The following ZNF577 variants were observed in gnomAD, a reference collection of about 807,000 sequenced individuals.
The protein encoded by ZNF577 is zinc finger protein 577.
ZNF577 carries 14 observed loss-of-function variants against 13.9 expected under a neutral mutation model. That is an observed-to-expected ratio of 1.00 (90% confidence interval 0.66 to 1.57). The LOEUF is 1.57. ZNF577 is among the 40% of genes most tolerant of loss of function. The pLI is 0.00. For missense variants in ZNF577, 555 were observed against 579.2 expected, an observed-to-expected ratio of 0.96 and a Z score of 0.43; for synonymous variants, 203 against 202.9, an observed-to-expected ratio of 1.00 and a Z score of 0.00.
intron 5 of ZNF577, among the ~76,000 whole-genome samples, chr19:51,854,861 C>T (rs1200480301): frequency 6.6e-6 from 1 of 151,966 alleles, no homozygotes; most frequent in African/African-American, 2.4e-5. Context: ...CTTCATGTTC[C>T]TCAGACTGGA....
At chr19:51,829,890 G>A (rs2084253210) in intron 9 of ZNF577, among the ~76,000 whole-genome samples, 1 of 152,154 alleles carries the variant, frequency 6.6e-6, no homozygotes, top group Non-Finnish European at 1.5e-5. Flanking sequence ...GAGGTCAAGT[G>A]GGGCACCTTC....
rs561862562 is a variant in ZNF577, at chr19:51,867,618, CAAA to C, written c.*4911_*4913del. On this transcript the variant is annotated 3_prime_UTR_variant, in exon 6 of 6. Coordinates refer to ENST00000638348, the MANE Select transcript of ZNF577 (RefSeq NM_001370449.1). ...TGAAACCCCGTCTCTACTAAAAATACAAAAAAAAAAAAAAAAATTAGCCGGGTG... is the reference window on the plus strand; with the variant it reads ...TGAAACCCCGTCTCTACTAAAAATACAAAAAAAAAAAAAATTAGCCGGGTG... Among the ~76,000 whole-genome samples, 2 of 110,314 alleles carry C rather than the reference CAAA, an allele frequency of 1.8e-5. No individual in the cohort carries two copies. Among genetic ancestry groups the C allele is most frequent in the Non-Finnish European group, 1.9e-5 (1 of 52,010 alleles). 72.4% of individuals were successfully genotyped at this position (110,314 alleles called of 152,430 possible). A position where few individuals can be genotyped will look rare whatever the true frequency, so the allele number is the denominator to read the frequency against.
At chr19:51,879,706 C>A (rs940292258) in intron 3 of ZNF577, among the ~76,000 whole-genome samples, 2 of 152,180 alleles carry the variant, frequency 1.3e-5, no homozygotes, top group Non-Finnish European at 2.9e-5. Flanking sequence ...GAGACCCAAA[C>A]TATGAACACT....
At chr19:51,857,502 T>C (rs768577071) in intron 5 of ZNF577, among the ~76,000 whole-genome samples, 43 of 152,164 alleles carry the variant, frequency 2.8e-4, no homozygotes, top group Non-Finnish European at 4.7e-4. Flanking sequence ...TAGAAGAGCA[T>C]AGACCACAAT....
chr19:51,880,478 C>A, intron 2 of ZNF577, 77 bp from the exon 3 acceptor site: 1 of 1,304,282 alleles, frequency 7.7e-7, no homozygotes, highest in South Asian at 1.2e-5. Context: ...TATGTTCCGA[C>A]ATTAAGAACT....
intron 5 of ZNF577, among the ~76,000 whole-genome samples, chr19:51,845,874 G>C (rs1455053611): frequency 1.3e-5 from 2 of 152,072 alleles, no homozygotes; most frequent in African/African-American, 4.8e-5. Context: ...CATTGTTGTT[G>C]GACACCTAGG....
intron 5 of ZNF577, among the ~76,000 whole-genome samples, chr19:51,847,683 C>A (rs762848974): frequency 2.0e-5 from 3 of 152,120 alleles, no homozygotes; most frequent in South Asian, 4.1e-4. Context: ...CCTCAACAAC[C>A]CCGAAGCGGC....
At chr19:51,837,043 C>CAAAA (rs766829761) in intron 9 of ZNF577, among the ~76,000 whole-genome samples, 3 of 77,748 alleles carry the variant, frequency 3.9e-5, no homozygotes, top group Admixed American at 1.5e-4. Flanking sequence ...GACTCTGTCT[C>CAAAA]AAAAAAAAAA....
chr19:51,816,894 A>C (rs2084141248), intron 9 of ZNF577, among the ~76,000 whole-genome samples: 1 of 152,242 alleles, frequency 6.6e-6, no homozygotes, highest in South Asian at 2.1e-4. Context: ...GTATGTGTGT[A>C]AATAGAGAAG....
downstream of ZNF577, chr19:51,862,160 G>A (rs903405372): frequency 6.6e-6 from 1 of 152,376 alleles, no homozygotes; most frequent in Non-Finnish European, 1.5e-5. Context: ...TTTCCTATAT[G>A]AGTTCTCTGA....
chr19:51,853,946 AGAGC>A (rs1224465707), intron 5 of ZNF577, among the ~76,000 whole-genome samples: 2 of 151,940 alleles, frequency 1.3e-5, no homozygotes, highest in African/African-American at 4.8e-5. Flanking sequence ...ACTGGATAGA[AGAGC>A]GAGATAGATT....
chr19:51,884,678 T>C (rs2084915188), intron 1 of ZNF577, among the ~76,000 whole-genome samples: 1 of 152,184 alleles, frequency 6.6e-6, no homozygotes, highest in Non-Finnish European at 1.5e-5. Context: ...TAGGTGCTTT[T>C]CCATTGATTT....
intron 5 of ZNF577, among the ~76,000 whole-genome samples, chr19:51,876,910 G>C (rs569824531): frequency 1.3e-5 from 2 of 149,122 alleles, no homozygotes; most frequent in African/African-American, 5.0e-5. Context: ...CCCAGCCACA[G>C]TGCGAGACTC....
At chr19:51,865,020 A>G (rs909037973), downstream of ZNF577, among the ~76,000 whole-genome samples, 1 of 152,232 alleles carries the variant, frequency 6.6e-6, no homozygotes, top group Non-Finnish European at 1.5e-5. Context: ...AGCTCTTCAC[A>G]TAAATGTAAG....
At position 51,871,689 on chromosome 19, in the gene ZNF577, G is replaced by A. The variant is rs2084661714; in HGVS notation, c.*843C>T. 1 of 152,100 alleles carries A rather than the reference G, an allele frequency of 6.6e-6. No homozygotes were observed. The highest frequency in any genetic ancestry group is 1.5e-5 in the Non-Finnish European group (1 of 68,016). The allele number at this position is 152,100 out of a possible 1,614,324, so 9.4% of individuals were successfully genotyped here. ...GGGTTTTCACAGTGTAATCACAAGG[G>A]TCCTCAAACATGGAAGAGGGAGACA... On this transcript the variant is annotated 3_prime_UTR_variant, in exon 6 of 6. Coordinates refer to ENST00000638348, the MANE Select transcript of ZNF577 (RefSeq NM_001370449.1).
At chr19:51,881,260 C>T (rs1293813119) in intron 1 of ZNF577, among the ~76,000 whole-genome samples, 1 of 152,122 alleles carries the variant, frequency 6.6e-6, no homozygotes, top group Non-Finnish European at 1.5e-5. Flanking sequence ...GGGTGGATCT[C>T]ACCTGAGCTC....
chr19:51,844,721 T>C (rs1447977898), intron 6 of ZNF577: 1 of 152,206 alleles, frequency 6.6e-6, no homozygotes. Context: ...GGTTATAAAC[T>C]TCTAAAAATC....
rs1403800112 is a variant in ZNF577 at position 51,873,164 on chromosome 19, C to T, written c.826G>A (p.Gly276Arg). The T allele has an allele frequency of 7.4e-6, 12 of 1,614,154 alleles. No individual in the cohort carries two copies. Among genetic ancestry groups the T allele is most frequent in the Non-Finnish European group, 1.0e-5 (12 of 1,180,032 alleles). ...GEKLYGCSVC[G>R]KAFSQKAYLT... Reference sequence around the variant, plus strand: ...TATGCCTTCTGAGAAAAGGCTTTCCCACACACACTGCACCCATAGAGTTTC... The same window carrying T: ...TATGCCTTCTGAGAAAAGGCTTTCCTACACACACTGCACCCATAGAGTTTC... Residue 276 changes from glycine (G) to arginine (R), a missense_variant, in exon 6 of 6, where the codon GGG (glycine) becomes AGG (arginine). Coordinates refer to ENST00000638348, the MANE Select transcript of ZNF577 (RefSeq NM_001370449.1).
At chr19:51,835,610 T>A (rs945621127) in intron 9 of ZNF577, among the ~76,000 whole-genome samples, 1 of 152,214 alleles carries the variant, frequency 6.6e-6, no homozygotes, top group Non-Finnish European at 1.5e-5. Context: ...TGAACTGAAG[T>A]TAAAATTAAT....
Sources: allele counts gnomAD v4.1 joint callset (sites outside exome capture counted in the v4.1 genomes callset), GRCh38; gene constraint gnomAD v4.1.1; transcripts MANE v1.5; gene names NCBI Gene and HGNC (gene_info 2026-07-23, HGNC 2026-07-21).